Variants in TLE2 observed in about 807,000 individuals in gnomAD.
TLE2 encodes the protein transducin-like enhancer protein 2.
Under a neutral mutation model 97.2 loss-of-function variants are expected in TLE2, and 74 were observed. That is an observed-to-expected ratio of 0.76 (90% CI 0.63 to 0.92). TLE2 has a LOEUF of 0.92. Among genes scored for constraint, TLE2 ranks in the 40% least tolerant of loss-of-function variants. TLE2 has a pLI of 0.00. For synonymous variants in TLE2, 499 were observed against 432.1 expected (o/e 1.15, Z -1.92); for missense variants, 1,038 against 1,008.7 (o/e 1.03, Z -0.39).
At chr19:3,010,878 G>A (rs1422606072) in intron 12 of TLE2, 144 bp downstream of exon 12, 1 of 1,135,906 alleles carries the variant, frequency 8.8e-7, no homozygotes, top group East Asian at 2.8e-5. Flanking sequence ...GAGGGAGGCA[G>A]CGTCTAACTT....
chr19:3,006,554 G>T lies in TLE2; in HGVS notation c.1366C>A (p.His456Asn). Residue 456 changes from histidine (H) to asparagine (N), a missense_variant, in exon 15 of 20, where the codon CAT becomes AAT. Physicochemically the swap from His to Asn is moderately conservative, Grantham distance 68. Transcript: ENST00000262953. ...RHARQLHTLA[H>N]GEVVCAVTIS... The stretch of plus-strand genomic sequence containing the variant: ...GTGACCGCGCAGACCACCTCGCCAT[G>T]GGCCAGCGTGTGCAGCTGCCGGGCG... 1.2e-6 allele frequency: 2 copies of T among 1,604,494 alleles called. No individual in the cohort carries two copies. Among genetic ancestry groups the T allele is most frequent in the East Asian group, 2.3e-5 (1 of 44,424 alleles).
chr19:3,043,554 T>C (rs917193550), intron 1 of TLE2, among the ~76,000 whole-genome samples: 3 of 151,462 alleles, frequency 2.0e-5, no homozygotes, highest in African/African-American at 7.3e-5. Flanking sequence ...TCCCGGCAGT[T>C]TGGGAGGCCA....
upstream of TLE2, chr19:3,047,486 T>C (rs955421015): frequency 2.2e-5 from 3 of 134,374 alleles, no homozygotes; most frequent in African/African-American, 8.3e-5. Flanking sequence ...AGAAGACCCC[T>C]TGTGGGGGTG....
upstream of TLE2, among the ~76,000 whole-genome samples, chr19:3,032,392 C>T (rs1599251320): frequency 6.6e-6 from 1 of 152,062 alleles, no homozygotes; most frequent in South Asian, 2.1e-4. This position sits in a 1 kb window ranked among gnomAD's most constrained non-coding sequence, Gnocchi z 4.1. Context: ...TGCCCACCAC[C>T]ACGCCTGGCT....
chr19:3,032,918 C>G (rs558663856), upstream of TLE2, among the ~76,000 whole-genome samples: 20 of 150,840 alleles, frequency 1.3e-4, no homozygotes, highest in African/African-American at 4.9e-4. This position sits in a 1 kb window ranked among gnomAD's most constrained non-coding sequence, Gnocchi z 4.1. Context: ...ACTGTCCACC[C>G]CACATCTTCC....
intron 9 of TLE2, among the ~76,000 whole-genome samples, chr19:3,015,056 GCC>G (rs2089673432): frequency 2.9e-5 from 1 of 35,014 alleles, no homozygotes. Flanking sequence ...AAAATTCATT[GCC>G]AAAAAAAAAA....
In TLE2 at chr19:3,028,348, T is replaced by G; in HGVS notation, c.157A>C (p.Lys53Gln). 1 of 1,609,734 alleles carries G rather than the reference T, an allele frequency of 6.2e-7. No individual in the cohort carries two copies. The highest frequency in any genetic ancestry group is 8.5e-7 in the Non-Finnish European group (1 of 1,177,960). The change falls in exon 3 of 20, where the codon AAG becomes CAG. Residue 53 changes from lysine (K) to glutamine (Q), a missense_variant. Lys to Gln is a moderately conservative substitution (Grantham distance 53). Transcript: ENST00000262953. ...ACATAATGTCGCTGCATTTCCGTCTTCTCGCTGGCCAGCTTCTCACATTCT... is the reference window on the plus strand; with the variant it reads ...ACATAATGTCGCTGCATTTCCGTCTGCTCGCTGGCCAGCTTCTCACATTCT... ...KLECEKLASE[K>Q]TEMQRHYVMY...
chr19:3,036,509 C>A (rs1425298923), intron 1 of TLE2, among the ~76,000 whole-genome samples: 2 of 152,226 alleles, frequency 1.3e-5, no homozygotes, highest in African/African-American at 4.8e-5. Flanking sequence ...CTACCGCCCC[C>A]TCCAGCCGAA....
chr19:3,028,455 TCTCCCC>T (rs2089983258), intron 2 of TLE2, 73 bp from the exon 3 acceptor site: 1 of 1,451,384 alleles, frequency 6.9e-7, no homozygotes, highest in Admixed American at 2.1e-5. Context: ...AGAGGCTGGA[TCTCCCC>T]CTCCCGACTT....
At chr19:3,022,518 G>C (rs1337577816) in intron 5 of TLE2, among the ~76,000 whole-genome samples, 2 of 149,632 alleles carry the variant, frequency 1.3e-5, no homozygotes, top group African/African-American at 2.5e-5. Context: ...GACAGAGCAA[G>C]ACTCTGTCTC....
chr19:3,044,030 A>G (rs1376075449), intron 1 of TLE2, among the ~76,000 whole-genome samples: 1 of 151,802 alleles, frequency 6.6e-6, no homozygotes, highest in Admixed American at 6.6e-5. Context: ...AAAGGTAGCC[A>G]GGCGTGGTGG....
chr19:3,001,814 TA>T (rs1255523185), intron 18 of TLE2, among the ~76,000 whole-genome samples: 3 of 106,162 alleles, frequency 2.8e-5, no homozygotes, highest in Non-Finnish European at 4.0e-5. Context: ...TTTTTTTTTT[TA>T]AGATAGAATC....
chr19:3,009,836 C>G (rs12461752), intron 12 of TLE2, 134 bp from the exon 13 acceptor site: 228,784 of 1,014,144 alleles, frequency 0.23, 26,276 homozygotes, highest in East Asian at 0.26. Context: ...CCTGGGACAC[C>G]TCCAGACCTC....
chr19:3,038,030 G>A (rs1377183547), intron 1 of TLE2, among the ~76,000 whole-genome samples: 1 of 151,982 alleles, frequency 6.6e-6, no homozygotes, highest in African/African-American at 2.4e-5. Context: ...GCTGAGGCAG[G>A]AGAATCCTTG....
In TLE2 at chr19:3,041,013, A is replaced by ATT. The variant is rs1168699418; in HGVS notation, c.63+4711_63+4712dup. ...CATTTATATATATATATATATATAT[A>ATT]TTTTTTTTTTTTTTTTTTTTTTTTT... On this transcript the variant is annotated intron_variant, in intron 1 of 18. Coordinates refer to the TLE2 transcript ENST00000426948. Among the ~76,000 whole-genome samples, 59 of 28,980 alleles carry ATT rather than the reference A, an allele frequency of 2.0e-3. 8 individuals are homozygous for ATT. Among genetic ancestry groups the ATT allele is most frequent in the East Asian group, 3.0e-3 (3 of 988 alleles). 19.0% of individuals were successfully genotyped at this position (28,980 alleles called of 152,430 possible).
At chr19:3,003,530 C>T (rs1450683468) in intron 17 of TLE2, among the ~76,000 whole-genome samples, 3 of 151,944 alleles carry the variant, frequency 2.0e-5, no homozygotes, top group Admixed American at 6.6e-5. Context: ...CCCAGCTACT[C>T]GGGAGGCTGA....
chr19:3,004,247 G>A (rs1310803997), intron 17 of TLE2, among the ~76,000 whole-genome samples: 1 of 152,144 alleles, frequency 6.6e-6, no homozygotes, highest in Admixed American at 6.6e-5. Flanking sequence ...TTCACCATGG[G>A]ATCCCTAGAA....
At chr19:3,008,505 C>A (rs2089523050) in intron 14 of TLE2, among the ~76,000 whole-genome samples, 1 of 150,266 alleles carries the variant, frequency 6.7e-6, no homozygotes, top group South Asian at 2.1e-4. Flanking sequence ...GGCTGGAGTG[C>A]AATGGCACGG....
Position 3,005,923 on chromosome 19 carries a change from G to T in TLE2, c.1546C>A (p.Arg516=). ...GCCTCACCGCCCACGATCAGACTCCGGCCATCCGGCAGCAACTTGCAGGAA... is the reference window on the plus strand; with the variant it reads ...GCCTCACCGCCCACGATCAGACTCCTGCCATCCGGCAGCAACTTGCAGGAA... ...IRSCKLLPDG[R]SLIVGGEAST... The change falls in exon 16 of 20, where the codon CGG becomes AGG. Residue 516 remains arginine, a synonymous_variant. Coordinates refer to ENST00000262953, the MANE Select transcript of TLE2 (RefSeq NM_003260.5). 1 of 1,611,830 alleles carries T rather than the reference G, an allele frequency of 6.2e-7. No homozygotes were observed. Among genetic ancestry groups the T allele is most frequent in the Non-Finnish European group, 8.5e-7 (1 of 1,178,130 alleles).
Sources: gnomAD v4.1 joint callset for allele counts (sites outside exome capture counted in the v4.1 genomes callset) on GRCh38, gnomAD v4.1.1 for gene constraint, Gnocchi (gnomAD v3.1) non-coding constraint, MANE v1.5 for transcripts, NCBI Gene and HGNC (gene_info 2026-07-23, HGNC 2026-07-21) for gene names.